PRSS23: variants seen among roughly 807,000 people sequenced by gnomAD.
PRSS23 encodes the protein serine protease 23.
In PRSS23, 25 loss-of-function variants were observed where a neutral mutation model predicts 34.7. The ratio of observed to expected loss-of-function variants is 0.72; its 90% CI spans 0.53 to 1.01. The LOEUF (loss-of-function observed/expected upper bound fraction) is 1.01. Ranked by LOEUF, PRSS23 falls within the 50% of genes least tolerant of loss-of-function variation. PRSS23 has a pLI of 0.00. For missense variants in PRSS23, 445 were observed against 475.6 expected (o/e 0.94, Z 0.60); for synonymous variants, 176 against 186.6 (o/e 0.94, Z 0.46).
chr11:86,903,016 C>A (rs1948921104), intron 2 of PRSS23, among the ~76,000 whole-genome samples: 1 of 152,138 alleles, frequency 6.6e-6, no homozygotes, highest in Non-Finnish European at 1.5e-5. Flanking sequence ...ATGTCCAGGA[C>A]CTTACCTGTC....
chr11:86,871,408 A>C (rs1008386876), intron 2 of PRSS23, among the ~76,000 whole-genome samples: 6 of 152,130 alleles, frequency 3.9e-5, no homozygotes, highest in African/African-American at 1.4e-4. Context: ...GGCCTTGTGT[A>C]GTCTTACCCT....
At chr11:86,816,182 G>T (rs1948214208), downstream of PRSS23, among the ~76,000 whole-genome samples, 1 of 152,146 alleles carries the variant, frequency 6.6e-6, no homozygotes, top group Admixed American at 6.5e-5. Flanking sequence ...CTACCCTCCA[G>T]CTAGGTTGCC....
At chr11:86,935,301 A>C (rs776238727) in intron 2 of PRSS23, 1 of 152,260 alleles carries the variant, frequency 6.6e-6, no homozygotes, top group Non-Finnish European at 1.5e-5. Context: ...TTTGTGCAAG[A>C]AGCTGGAAAT....
At chr11:86,826,611 A>G (rs1389990034) in intron 2 of PRSS23, among the ~76,000 whole-genome samples, 2 of 152,314 alleles carry the variant, frequency 1.3e-5, no homozygotes, top group East Asian at 1.9e-4. Context: ...CCCATTCAGT[A>G]TGATATTGGC....
intron 2 of PRSS23, among the ~76,000 whole-genome samples, chr11:86,854,628 G>C (rs528052853): frequency 1.3e-5 from 2 of 150,236 alleles, no homozygotes; most frequent in East Asian, 3.9e-4. Context: ...TTTCATTTAG[G>C]CATGTTATAG....
intron 2 of PRSS23, chr11:86,947,787 G>A (rs1313808802): frequency 6.6e-6 from 1 of 152,246 alleles, no homozygotes; most frequent in African/African-American, 2.4e-5. Context: ...CCTATATGAA[G>A]CAGGAGAAAG....
At chr11:86,897,873 AC>A (rs2134980354) in intron 2 of PRSS23, among the ~76,000 whole-genome samples, 2 of 152,300 alleles carry the variant, frequency 1.3e-5, no homozygotes, top group South Asian at 4.1e-4. Context: ...TTTCTGTTTA[AC>A]CAGTATTTAT....
At chr11:86,861,152 G>GGT (rs1302151371) in intron 2 of PRSS23, among the ~76,000 whole-genome samples, 13 of 151,516 alleles carry the variant, frequency 8.6e-5, no homozygotes, top group African/African-American at 2.7e-4. Context: ...TAATATCCAG[G>GGT]GGGAGAGGAA....
intron 2 of PRSS23, chr11:86,949,443 A>G (rs1949271505): frequency 6.6e-6 from 1 of 151,126 alleles, no homozygotes; most frequent in African/African-American, 2.4e-5. Flanking sequence ...TTCCCTTCCT[A>G]TTTTTTTAAG....
intron 2 of PRSS23, among the ~76,000 whole-genome samples, chr11:86,823,889 C>T (rs1360585804): frequency 6.7e-6 from 1 of 149,042 alleles, no homozygotes; most frequent in Non-Finnish European, 1.5e-5. Flanking sequence ...GCCTGTAGTC[C>T]CAGCTACTCG....
intron 2 of PRSS23, among the ~76,000 whole-genome samples, chr11:86,877,233 G>A (rs532997365): frequency 1.7e-3 from 164 of 98,668 alleles, no homozygotes; most frequent in Non-Finnish European, 1.8e-3. Flanking sequence ...CAAGGGCAAT[G>A]ACTGTTTTCT....
chr11:86,901,593 T>C (rs551134155), intron 2 of PRSS23, among the ~76,000 whole-genome samples: 1 of 152,100 alleles, frequency 6.6e-6, no homozygotes, highest in Admixed American at 6.5e-5. Context: ...GAAAAGAAGG[T>C]GCATTTATCA....
intron 2 of PRSS23, among the ~76,000 whole-genome samples, chr11:86,823,898 C>T (rs962610144): frequency 6.4e-5 from 9 of 141,584 alleles, no homozygotes; most frequent in Non-Finnish European, 1.4e-4. Context: ...CCCAGCTACT[C>T]GGGAGGCTGA....
intron 2 of PRSS23, among the ~76,000 whole-genome samples, chr11:86,922,903 C>T (rs1007214701): frequency 2.0e-4 from 30 of 152,236 alleles, no homozygotes; most frequent in South Asian, 1.0e-3. Context: ...GTAGGTCCTA[C>T]CCTCATATGA....
intron 2 of PRSS23, among the ~76,000 whole-genome samples, chr11:86,931,539 C>T (rs540208847): frequency 6.6e-6 from 1 of 152,104 alleles, no homozygotes; most frequent in Non-Finnish European, 1.5e-5. Flanking sequence ...AAAAAATAGT[C>T]CCTAGTAATA....
chr11:86,942,726 G>GA (rs1555084365), intron 2 of PRSS23, among the ~76,000 whole-genome samples: 2 of 152,018 alleles, frequency 1.3e-5, no homozygotes, highest in South Asian at 2.1e-4. Context: ...ATGACTGAAG[G>GA]AAAAAAACAG....
intron 2 of PRSS23, among the ~76,000 whole-genome samples, chr11:86,926,566 A>G (rs189420295): frequency 6.6e-6 from 1 of 152,330 alleles, no homozygotes; most frequent in East Asian, 1.9e-4. Flanking sequence ...AAGAGAGACA[A>G]GGAGCAGAAA....
At chr11:86,938,190 C>T (rs939628697) in intron 2 of PRSS23, among the ~76,000 whole-genome samples, 9 of 152,318 alleles carry the variant, frequency 5.9e-5, no homozygotes, top group Admixed American at 5.9e-4. Context: ...GCAAGAACAG[C>T]TCTTGCCCTT....
chr11:86,915,774 T>G (rs1949008721), intron 2 of PRSS23, among the ~76,000 whole-genome samples: 1 of 152,024 alleles, frequency 6.6e-6, no homozygotes, highest in South Asian at 2.1e-4. Flanking sequence ...ATGGGTCAGG[T>G]GTGGTGGCTC....
Sources: gnomAD v4.1 joint callset for allele counts (sites outside exome capture counted in the v4.1 genomes callset) on GRCh38, gnomAD v4.1.1 for gene constraint, MANE v1.5 for transcripts, NCBI Gene and HGNC (gene_info 2026-07-23, HGNC 2026-07-21) for gene names.